PCDHGB1: variants seen among roughly 807,000 people sequenced by gnomAD.
The protein encoded by PCDHGB1 is protocadherin gamma-B1.
Under a neutral mutation model 56.6 loss-of-function variants are expected in PCDHGB1, and 34 were observed. The ratio of observed to expected loss-of-function variants is 0.60; its 90% CI spans 0.46 to 0.80. The LOEUF is 0.80. Among genes scored for constraint, PCDHGB1 ranks in the 30% least tolerant of loss-of-function variants. PCDHGB1 has a pLI of 0.00. For missense variants in PCDHGB1, 1,278 were observed against 1,204.6 expected (o/e 1.06, Z -0.90); for synonymous variants, 561 against 505.9 (o/e 1.11, Z -1.46).
intron 1 of PCDHGB1, chr5:141,413,232 G>A (rs374674787): frequency 1.1e-4 from 170 of 1,613,834 alleles, no homozygotes; most frequent in Non-Finnish European, 1.4e-4. Context: ...GGCTGGTCCT[G>A]CTCTGCCTTT....
intron 1 of PCDHGB1, among the ~76,000 whole-genome samples, chr5:141,406,837 CA>C (rs1174898109): frequency 6.6e-6 from 1 of 152,170 alleles, no homozygotes; most frequent in Non-Finnish European, 1.5e-5. Flanking sequence ...ACTTGCATAT[CA>C]GATATAATTT....
intron 1 of PCDHGB1, among the ~76,000 whole-genome samples, chr5:141,363,859 G>A (rs997046368): frequency 3.9e-5 from 6 of 152,132 alleles, no homozygotes; most frequent in Non-Finnish European, 8.8e-5. Flanking sequence ...ACTAAATATA[G>A]ATAAGAGGTA....
chr5:141,436,120 TC>T (rs2154556955), intron 1 of PCDHGB1, among the ~76,000 whole-genome samples: 1 of 152,344 alleles, frequency 6.6e-6, no homozygotes, highest in South Asian at 2.1e-4. Context: ...GAAACCTCTC[TC>T]CTCCATCATC....
intron 1 of PCDHGB1, chr5:141,433,126 G>A (rs1390613447): frequency 1.9e-6 from 3 of 1,614,120 alleles, no homozygotes; most frequent in Middle Eastern, 1.7e-4. Flanking sequence ...AAAAAAGCGA[G>A]CCCCTTTTGC....
intron 1 of PCDHGB1, chr5:141,388,283 C>T (rs1164558432): frequency 1.2e-6 from 2 of 1,613,304 alleles, no homozygotes; most frequent in East Asian, 4.5e-5. Flanking sequence ...CGCCAAAATT[C>T]ACGCAAAATT....
At chr5:141,361,788 A>C in intron 1 of PCDHGB1, 2 of 1,613,154 alleles carry the variant, frequency 1.2e-6, no homozygotes, top group Non-Finnish European at 1.7e-6. Flanking sequence ...TGCGCGTGTT[A>C]GTGGGCGACC....
chr5:141,477,644 T>A lies in PCDHGB1; in HGVS notation c.2410-17163T>A. On this transcript the variant is annotated intron_variant, in intron 1 of 3. Coordinates refer to ENST00000523390, the MANE Select transcript of PCDHGB1 (RefSeq NM_018922.3). The surrounding 1 kb of genome is among the most constrained non-coding windows in gnomAD (Gnocchi z 4.9). ...TGAAACCGGGCTAGTGGGTCGCTAT[T>A]TCACAATAAATCGTGACAATGGCAT... The A allele has an allele frequency of 6.2e-7, 1 of 1,614,200 alleles. No homozygotes were observed. Among genetic ancestry groups the A allele is most frequent in the Non-Finnish European group, 8.5e-7 (1 of 1,180,036 alleles).
chr5:141,394,625 G>A, intron 1 of PCDHGB1: 1 of 1,613,496 alleles, frequency 6.2e-7, no homozygotes, highest in African/African-American at 1.3e-5. Flanking sequence ...ACGCCTGGCT[G>A]TCCTACCGCC....
chr5:141,425,881 A>T (rs911454948), intron 1 of PCDHGB1, among the ~76,000 whole-genome samples: 1 of 152,230 alleles, frequency 6.6e-6, no homozygotes, highest in Non-Finnish European at 1.5e-5. Flanking sequence ...TCTCTAAGGA[A>T]TCTTCTTTGG....
Position 141,477,201 on chromosome 5 carries a change from C to T in PCDHGB1, c.2410-17606C>T, listed in dbSNP as rs1269388368. 6.2e-7 allele frequency: 1 copy of T among 1,614,076 alleles called. No homozygotes were observed. Among genetic ancestry groups the T allele is most frequent in the Non-Finnish European group, 8.5e-7 (1 of 1,180,056 alleles). On this transcript the variant is annotated intron_variant, in intron 1 of 3. Transcript: ENST00000523390. The surrounding 1 kb of genome is among the most constrained non-coding windows in gnomAD (Gnocchi z 4.9). ...GTCACCTCCGTGTACAGCCCAGTAC[C>T]CGAGGATGCCCCTCTGGGGACTGTC... is the stretch of plus-strand genomic sequence containing the variant.
chr5:141,483,538 G>C (rs571240759), intron 1 of PCDHGB1, among the ~76,000 whole-genome samples: 1 of 152,230 alleles, frequency 6.6e-6, no homozygotes, highest in African/African-American at 2.4e-5. Flanking sequence ...AAGCTGGGTG[G>C]TTGACAGTGC....
chr5:141,376,152 C>T, intron 1 of PCDHGB1: 2 of 1,614,026 alleles, frequency 1.2e-6, no homozygotes, highest in Non-Finnish European at 1.7e-6. Context: ...TCGGACCTCA[C>T]TCTGTACCTG....
At chr5:141,442,848 T>C (rs1210778801) in intron 1 of PCDHGB1, among the ~76,000 whole-genome samples, 2 of 152,236 alleles carry the variant, frequency 1.3e-5, no homozygotes, top group Non-Finnish European at 2.9e-5. Context: ...ATCTTGGCCA[T>C]TGTAGTATGA....
rs1270447529 is a variant in PCDHGB1 at position 141,490,526 on chromosome 5, C to A, written c.2410-4281C>A. 3 of 1,614,116 alleles carry A rather than the reference C, an allele frequency of 1.9e-6. No homozygotes were observed. Among genetic ancestry groups the A allele is most frequent in the Non-Finnish European group, 2.5e-6 (3 of 1,180,008 alleles). On this transcript the variant is annotated intron_variant, in intron 1 of 3. Transcript: ENST00000523390. This position sits in a 1 kb window ranked among gnomAD's most constrained non-coding sequence, Gnocchi z 5.4. ...ATCATCGAGCTGCTGGCCAGCGATG[C>A]TGGTTCACCTTCCCTACACAAACAT...
In PCDHGB1 at chr5:141,431,716, G is replaced by T; in HGVS notation, c.2410-63091G>T. On this transcript the variant is annotated intron_variant, in intron 1 of 3. Transcript: ENST00000523390. The surrounding 1 kb of genome is among the most constrained non-coding windows in gnomAD (Gnocchi z 4.8). ...AGTCAGGATTCTACCAGATGGAAGT[G>T]CAAGCAATGGATAATGCAGGATATT... 1 of 1,614,244 alleles carries T rather than the reference G, an allele frequency of 6.2e-7. No homozygotes were observed. Among genetic ancestry groups the T allele is most frequent in the Middle Eastern group, 1.6e-4 (1 of 6,062 alleles).
At chr5:141,374,243 C>T in intron 1 of PCDHGB1, 1 of 1,614,000 alleles carries the variant, frequency 6.2e-7, no homozygotes, top group East Asian at 2.2e-5. Context: ...GGATCTGGGA[C>T]TGGAGCCCCA....
intron 1 of PCDHGB1, among the ~76,000 whole-genome samples, chr5:141,473,965 A>C (rs925515548): frequency 1.1e-4 from 16 of 152,206 alleles, no homozygotes; most frequent in African/African-American, 3.9e-4. Flanking sequence ...TCTACTTAGA[A>C]GTCTGAGGCG....
At chr5:141,416,253 A>G (rs1399251065) in intron 1 of PCDHGB1, 1 of 152,312 alleles carries the variant, frequency 6.6e-6, no homozygotes, top group Non-Finnish European at 1.5e-5. Flanking sequence ...AACTGATAAC[A>G]CTGCAGTATC....
At chr5:141,394,327 T>C (rs747533347) in intron 1 of PCDHGB1, 1 of 1,613,944 alleles carries the variant, frequency 6.2e-7, no homozygotes. Context: ...TCCTCGTATA[T>C]CTCCATCAAC....
Sources: gnomAD v4.1 joint callset for allele counts (sites outside exome capture counted in the v4.1 genomes callset) on GRCh38, gnomAD v4.1.1 for gene constraint, Gnocchi (gnomAD v3.1) non-coding constraint, MANE v1.5 for transcripts, NCBI Gene and HGNC (gene_info 2026-07-23, HGNC 2026-07-21) for gene names.